EFCAB8: variants seen among roughly 807,000 people sequenced by gnomAD.
The protein encoded by EFCAB8 is EF-hand calcium binding domain 8.
In EFCAB8, 100 loss-of-function variants were observed where a neutral mutation model predicts 116.3. That is an observed-to-expected ratio of 0.86 (90% CI 0.73 to 1.02). EFCAB8 has a LOEUF of 1.02. EFCAB8 is among the 50% of genes least tolerant of loss of function. The pLI, the probability that EFCAB8 is intolerant of heterozygous loss-of-function variation, is 0.00. For missense variants in EFCAB8, 1,320 were observed against 1,416.9 expected, an observed-to-expected ratio of 0.93 and a Z score of 1.10; for synonymous variants, 558 against 567.9, an observed-to-expected ratio of 0.98 and a Z score of 0.25.
chr20:32,872,965 G>A (rs4327299), intron 3 of EFCAB8, among the ~76,000 whole-genome samples: 3 of 151,460 alleles, frequency 2.0e-5, no homozygotes, highest in East Asian at 1.9e-4. Context: ...GATGGTGGGC[G>A]CCTGTAATCC....
intron 11 of EFCAB8, among the ~76,000 whole-genome samples, chr20:32,901,631 C>T (rs1986432953): frequency 6.6e-6 from 1 of 152,262 alleles, no homozygotes; most frequent in Non-Finnish European, 1.5e-5. Context: ...TGCTCCTGCG[C>T]CAGGGCCTTT....
intron 23 of EFCAB8, among the ~76,000 whole-genome samples, chr20:32,949,746 C>G (rs1988739602): frequency 6.6e-6 from 1 of 152,238 alleles, no homozygotes; most frequent in Non-Finnish European, 1.5e-5. Context: ...CACCCGTAAT[C>G]CAAGCACTTT....
At chr20:32,885,761 C>T (rs1405945590) in intron 6 of EFCAB8, 121 bp downstream of exon 6, 1 of 1,259,638 alleles carries the variant, frequency 7.9e-7, no homozygotes, top group Non-Finnish European at 1.1e-6. Context: ...CCTGGACTTG[C>T]AGTCACAGCA....
At chr20:32,948,762 CTA>C (rs1413487499) in intron 23 of EFCAB8, among the ~76,000 whole-genome samples, 2 of 152,094 alleles carry the variant, frequency 1.3e-5, no homozygotes, top group Non-Finnish European at 1.5e-5. Context: ...AAGTGAAAAA[CTA>C]TGTGATTATC....
intron 23 of EFCAB8, among the ~76,000 whole-genome samples, chr20:32,946,936 T>C (rs1453389254): frequency 6.6e-6 from 1 of 152,210 alleles, no homozygotes; most frequent in East Asian, 1.9e-4. Flanking sequence ...CAATTTGAGA[T>C]TCATCTTTGT....
At chr20:32,935,218 GA>G (rs1333084952) in intron 22 of EFCAB8, among the ~76,000 whole-genome samples, 3 of 23,452 alleles carry the variant, frequency 1.3e-4, no homozygotes, top group African/African-American at 1.5e-4. Flanking sequence ...TTTTTTTTTT[GA>G]GATGGCGTTT....
intron 7 of EFCAB8, among the ~76,000 whole-genome samples, chr20:32,891,419 T>C (rs2146210648): frequency 6.6e-6 from 1 of 152,298 alleles, no homozygotes; most frequent in Admixed American, 6.5e-5. Context: ...GGTTTCACCA[T>C]GTTGGCCAGG....
At position 32,863,567 on chromosome 20, in the gene EFCAB8, G is replaced by A. The variant is rs74590750; in HGVS notation, c.-10-216G>A. Among the ~76,000 whole-genome samples, 550 of 152,288 alleles carry A rather than the reference G, an allele frequency of 3.6e-3. 5 individuals carry two copies. Among genetic ancestry groups the A allele is most frequent in the African/African-American group, 0.013 (535 of 41,556 alleles). On this transcript the variant is annotated intron_variant, in intron 1 of 26. Transcript: ENST00000400522. The stretch of plus-strand genomic sequence containing the variant: ...ACTCCTCTCTATCAGGGGAAGAAAG[G>A]CTCAAGTGCAAGCTTGGCAAAAGCT...
intron 16 of EFCAB8, among the ~76,000 whole-genome samples, chr20:32,912,558 G>A (rs759766322): frequency 3.9e-5 from 6 of 152,038 alleles, no homozygotes; most frequent in Non-Finnish European, 5.9e-5. Flanking sequence ...CCATTTCCCA[G>A]CTATCCTCTC....
intron 22 of EFCAB8, among the ~76,000 whole-genome samples, chr20:32,937,181 T>C (rs1988155290): frequency 6.6e-6 from 1 of 152,138 alleles, no homozygotes; most frequent in Non-Finnish European, 1.5e-5. Flanking sequence ...GGTTTCTCCA[T>C]GTTGGTCAGG....
At chr20:32,941,058 C>A (rs1208406861) in intron 22 of EFCAB8, among the ~76,000 whole-genome samples, 1 of 149,078 alleles carries the variant, frequency 6.7e-6, no homozygotes, top group African/African-American at 2.5e-5. Flanking sequence ...TTGAGACCAG[C>A]CTGGCCAGCA....
chr20:32,877,207 CTTTTTTTTT>C (rs757130907), intron 4 of EFCAB8, among the ~76,000 whole-genome samples: 7 of 115,048 alleles, frequency 6.1e-5, no homozygotes, highest in Admixed American at 1.0e-4. Flanking sequence ...TTATTTCTTT[CTTTTTTTTT>C]TTTTTTTTTT....
chr20:32,908,526 A>G lies in EFCAB8; in HGVS notation c.1446+114A>G, dbSNP rs1057278278. ...GTCCTGTCCCTCCTGGGACTGCTGA[A>G]GCGGCTAGACTCTGTGGCCTGGCCT... On this transcript the variant is annotated intron_variant, in intron 14 of 26. Transcript: ENST00000400522. 24 of 1,140,034 alleles carry G rather than the reference A, an allele frequency of 2.1e-5. No individual in the cohort carries two copies. In the African/African-American group the frequency reaches 3.4e-4, roughly 16 times the overall value. The allele number at this position is 1,140,034 out of a possible 1,614,324, so 70.6% of individuals were successfully genotyped here. A position where few individuals can be genotyped will look rare whatever the true frequency, so the allele number is the denominator to read the frequency against.
intron 23 of EFCAB8, among the ~76,000 whole-genome samples, chr20:32,958,086 T>A (rs899094407): frequency 2.0e-5 from 3 of 152,138 alleles, no homozygotes; most frequent in African/African-American, 4.8e-5. Context: ...CTGACCGTTT[T>A]ATGCCATTGC....
At chr20:32,870,504 T>A (rs2146176489) in intron 3 of EFCAB8, among the ~76,000 whole-genome samples, 1 of 152,322 alleles carries the variant, frequency 6.6e-6, no homozygotes, top group African/African-American at 2.4e-5. Flanking sequence ...GATCTTTATT[T>A]TTAATTTTTT....
Position 32,897,434 on chromosome 20 carries a change from A to G in EFCAB8, c.957+907A>G, listed in dbSNP as rs190995032. Among the ~76,000 whole-genome samples the G allele has an allele frequency of 7.3e-3, 1,054 of 143,954 alleles. 4 individuals carry two copies. The highest frequency in any genetic ancestry group is 0.024 in the African/African-American group (960 of 39,214). The allele number at this position is 143,954 out of a possible 152,430, so 94.4% of individuals were successfully genotyped here. A position where few individuals can be genotyped will look rare whatever the true frequency, so the allele number is the denominator to read the frequency against. On this transcript the variant is annotated intron_variant, in intron 10 of 26. Transcript: ENST00000400522. ...GGTCTGGGTGATCCAACAGGCCTGC[A>G]CTGACTTTTTTTTTTTTTTTTTGGT...
At position 32,943,665 on chromosome 20, in the gene EFCAB8, T is replaced by TC. The variant is rs1988477620; in HGVS notation, c.2826dup (p.Thr943HisfsTer12). On this transcript the variant is annotated frameshift_variant, in exon 23 of 27. Coordinates refer to ENST00000400522, the MANE Select transcript of EFCAB8 (RefSeq NM_001143967.2). LOFTEE classifies it high-confidence loss of function. ...TGGCTGGCCATACCATTTCCCTGGTTCCCCCCACGCTCCTGATGACCTGGA... is the reference window on the plus strand; with the variant it reads ...TGGCTGGCCATACCATTTCCCTGGTTCCCCCCCACGCTCCTGATGACCTGGA... 2.4e-6 allele frequency: 1 copy of TC among 417,050 alleles called. No homozygotes were observed. Among genetic ancestry groups the TC allele is most frequent in the Non-Finnish European group, 4.4e-6 (1 of 226,672 alleles). 25.8% of individuals were successfully genotyped at this position (417,050 alleles called of 1,614,324 possible).
intron 4 of EFCAB8, among the ~76,000 whole-genome samples, chr20:32,877,871 C>A (rs1325279044): frequency 6.6e-6 from 1 of 152,112 alleles, no homozygotes; most frequent in African/African-American, 2.4e-5. Flanking sequence ...CAGGGTGATG[C>A]CAGTTGTGGG....
At chr20:32,915,299 A>T (rs997250643) in intron 17 of EFCAB8, among the ~76,000 whole-genome samples, 1 of 152,360 alleles carries the variant, frequency 6.6e-6, no homozygotes, top group Non-Finnish European at 1.5e-5. Context: ...CTCCTTCAAT[A>T]TGTTACATAG....
Sources: gnomAD v4.1 joint callset for allele counts (sites outside exome capture counted in the v4.1 genomes callset) on GRCh38, gnomAD v4.1.1 for gene constraint, MANE v1.5 for transcripts, NCBI Gene and HGNC (gene_info 2026-07-23, HGNC 2026-07-21) for gene names.